The following NARF variants were observed in gnomAD, a reference collection of about 807,000 sequenced individuals.
NARF encodes nuclear prelamin A recognition factor.
In NARF, 41 loss-of-function variants were observed where a neutral mutation model predicts 48.0. The observed-to-expected ratio is 0.85, with a 90% CI of 0.66 to 1.11. The LOEUF is 1.11. Among genes scored for constraint, NARF ranks in the 50% least tolerant of loss-of-function variants. NARF has a pLI of 0.00. For synonymous variants in NARF, 215 were observed against 225.5 expected, an observed-to-expected ratio of 0.95 and a Z score of 0.42; for missense variants, 613 against 590.2, an observed-to-expected ratio of 1.04 and a Z score of -0.40.
At chr17:82,464,564 A>T in intron 3 of NARF, 134 bp downstream of exon 3, 1 of 1,169,180 alleles carries the variant, frequency 8.6e-7, no homozygotes, top group East Asian at 2.6e-5. Context: ...TGTTGCTAAC[A>T]TCCTGCTTTG....
chr17:82,480,109 T>C (rs2043926722), intron 6 of NARF: 1 of 243,500 alleles, frequency 4.1e-6, no homozygotes, highest in Non-Finnish European at 7.8e-6. Flanking sequence ...CTGCCCTGAG[T>C]GGGTCCTTTC....
intron 4 of NARF, 43 bp from the exon 5 acceptor site, chr17:82,472,521 T>G (rs2043733678): frequency 6.5e-7 from 1 of 1,544,848 alleles, no homozygotes; most frequent in Non-Finnish European, 8.7e-7. Context: ...AAGTAGATCT[T>G]TTAGTACGTG....
intron 6 of NARF, 150 bp from the exon 7 acceptor site, chr17:82,480,932 A>G (rs1298931808): frequency 1.8e-5 from 8 of 447,222 alleles, no homozygotes; most frequent in Non-Finnish European, 2.4e-5. Context: ...CTCCATTTCA[A>G]AAAAAAAAAA....
At position 82,480,685 on chromosome 17, in the gene NARF, T is replaced by C. The variant is rs78281429; in HGVS notation, c.640-397T>C. The C allele has an allele frequency of 4.5e-3, 1,964 of 440,094 alleles. 40 individuals carry two copies. Among genetic ancestry groups the C allele is most frequent in the African/African-American group, 0.033 (1,660 of 49,576 alleles). 27.3% of individuals were successfully genotyped at this position (440,094 alleles called of 1,614,324 possible). Reference sequence around the variant, plus strand: ...CGATGGCTCACGCCTGTAATTCTAGTACTTTGGAGGCCGAGGCGGGCAGAT... The same window carrying C: ...CGATGGCTCACGCCTGTAATTCTAGCACTTTGGAGGCCGAGGCGGGCAGAT... On this transcript the variant is annotated intron_variant, in intron 6 of 10. Transcript: ENST00000309794.
At position 82,459,352 on chromosome 17, in the gene NARF, C is replaced by T. The variant is rs578075490; in HGVS notation, c.27+522C>T. Reference sequence around the variant, plus strand: ...CCGGAATGGGCTCCTGTGGATGCTGCTCTGTGGCTGGCACTTCTGCGCGTG... The same window carrying T: ...CCGGAATGGGCTCCTGTGGATGCTGTTCTGTGGCTGGCACTTCTGCGCGTG... On this transcript the variant is annotated intron_variant, in intron 1 of 10. Transcript: ENST00000309794. 16 of 234,672 alleles carry T rather than the reference C, an allele frequency of 6.8e-5. 1 individual carries two copies. In the South Asian group the frequency reaches 2.5e-3, roughly 36 times the overall value. The allele number at this position is 234,672 out of a possible 1,614,324, so 14.5% of individuals were successfully genotyped here.
Position 82,469,691 on chromosome 17 carries a change from C to T in NARF, c.385+795C>T, listed in dbSNP as rs369384490. On this transcript the variant is annotated intron_variant, in intron 4 of 10. Transcript: ENST00000309794. ...TGCGATCTTGGCTCACTGCAACCTC[C>T]GCCTCCCGGGTTCAAGAGATTCTCC... 3.9e-3 allele frequency among the ~76,000 whole-genome samples: 595 copies of T among 152,196 alleles called. 9 individuals are homozygous for T. The highest frequency in any genetic ancestry group is 0.037 in the South Asian group (180 of 4,818).
At chr17:82,471,436 CA>C (rs906446419) in intron 4 of NARF, among the ~76,000 whole-genome samples, 2 of 125,862 alleles carry the variant, frequency 1.6e-5, no homozygotes, top group African/African-American at 6.2e-5. Context: ...GCCTGGGCAA[CA>C]GGGCGAGACA....
intron 6 of NARF, chr17:82,479,816 T>C (rs946756775): frequency 1.1e-4 from 17 of 152,224 alleles, no homozygotes; most frequent in African/African-American, 4.1e-4. Context: ...AAGTCATAAT[T>C]TGGCAAATTA....
intron 7 of NARF, chr17:82,481,938 G>T (rs926887980): frequency 3.1e-6 from 1 of 321,114 alleles, no homozygotes; most frequent in Non-Finnish European, 6.0e-6. Flanking sequence ...AAAAAGGCAC[G>T]TTTGCTCCAG....
intron 7 of NARF, chr17:82,481,730 CAAA>C (rs61126963): frequency 5.6e-3 from 2,052 of 363,222 alleles, no homozygotes; most frequent in Admixed American, 0.01. Context: ...AACTTTGTCT[CAAA>C]AAAAAAAAAA....
chr17:82,474,143 T>A (rs1218728760), intron 5 of NARF, among the ~76,000 whole-genome samples: 1 of 152,176 alleles, frequency 6.6e-6, no homozygotes, highest in African/African-American at 2.4e-5. Flanking sequence ...ACTCCTCCAT[T>A]GTACTCCAGC....
chr17:82,478,006 C>T (rs1567940477), intron 5 of NARF: 1 of 152,546 alleles, frequency 6.6e-6, no homozygotes, highest in African/African-American at 2.4e-5. Context: ...CTACCCAGCC[C>T]CTGTTTGAGG....
At chr17:82,463,147 C>T (rs1482003207) in intron 2 of NARF, 1 of 152,126 alleles carries the variant, frequency 6.6e-6, no homozygotes, top group African/African-American at 2.4e-5. Context: ...GGAGGCACAT[C>T]CATAGCCGTC....
In NARF at chr17:82,490,258, C is replaced by G. The variant is rs529092520; in HGVS notation, c.*2101C>G. 1.3e-5 allele frequency: 2 copies of G among 152,270 alleles called. No individual in the cohort carries two copies. Among genetic ancestry groups the G allele is most frequent in the East Asian group, 3.8e-4 (2 of 5,196 alleles). The allele number at this position is 152,270 out of a possible 1,614,324, so 9.4% of individuals were successfully genotyped here. On this transcript the variant is annotated 3_prime_UTR_variant, in exon 11 of 11. Coordinates refer to ENST00000309794, the MANE Select transcript of NARF (RefSeq NM_012336.4). ...CCTCCCAGGAAAAGAGAGATGTCAACGTGGCCCAAGGTGTCCTGAAGCACT... is the reference window on the plus strand; with the variant it reads ...CCTCCCAGGAAAAGAGAGATGTCAAGGTGGCCCAAGGTGTCCTGAAGCACT...
rs2044170620 is a variant in NARF, at chr17:82,490,025, T to C, written c.*1868T>C. ...TTCTTAGTTGAGACGGGTTTCGCCA[T>C]GTTGATCGGGCCGGTCAGGCTGGAA... On this transcript the variant is annotated 3_prime_UTR_variant, in exon 11 of 11. Coordinates refer to ENST00000309794, the MANE Select transcript of NARF (RefSeq NM_012336.4). The C allele has an allele frequency of 6.6e-6, 1 of 152,242 alleles. No individual in the cohort carries two copies. The allele number at this position is 152,242 out of a possible 1,614,324, so 9.4% of individuals were successfully genotyped here.
chr17:82,460,018 T>A lies in NARF; in HGVS notation c.54T>A (p.Asp18Glu), dbSNP rs2043394994. ...RKECSKKTKT[D>E]DQENVSADAP... Reference sequence around the variant, plus strand: ...AATGTAGTAAGAAAACAAAAACTGATGACCAAGAGAATGTGTCAGCCGATG... The same window carrying A: ...AATGTAGTAAGAAAACAAAAACTGAAGACCAAGAGAATGTGTCAGCCGATG... The change falls in exon 2 of 11, where the codon GAT (aspartate) becomes GAA (glutamate). Residue 18 changes from aspartate (D) to glutamate (E), a missense_variant. Physicochemically the swap from Asp to Glu is conservative, Grantham distance 45 (BLOSUM62 2). Transcript: ENST00000309794. 6.2e-7 allele frequency: 1 copy of A among 1,613,760 alleles called. No individual in the cohort carries two copies. Among genetic ancestry groups the A allele is most frequent in the African/African-American group, 1.3e-5 (1 of 75,030 alleles).
At chr17:82,481,686 C>T (rs1391575265) in intron 7 of NARF, 2 of 395,828 alleles carry the variant, frequency 5.1e-6, no homozygotes, top group South Asian at 1.9e-5. Flanking sequence ...GCCGAGATCG[C>T]GCCATTACCC....
intron 5 of NARF, chr17:82,478,529 G>A (rs1385658252): frequency 1.9e-6 from 1 of 530,540 alleles, no homozygotes; most frequent in South Asian, 1.5e-5. Context: ...CCTTTTTGGG[G>A]GACCTGTTAC....
At chr17:82,487,504 A>G (rs1288584471) in intron 10 of NARF, among the ~76,000 whole-genome samples, 2 of 151,842 alleles carry the variant, frequency 1.3e-5, no homozygotes, top group African/African-American at 4.8e-5. Flanking sequence ...AAAAAGAAGA[A>G]TGAGAGGCAC....
Sources: allele counts gnomAD v4.1 joint callset (sites outside exome capture counted in the v4.1 genomes callset), GRCh38; gene constraint gnomAD v4.1.1; transcripts MANE v1.5; gene names NCBI Gene and HGNC (gene_info 2026-07-23, HGNC 2026-07-21).